The following IQANK1 variants were observed in gnomAD, a reference collection of about 807,000 sequenced individuals.
IQANK1 encodes the protein IQ motif and ankyrin repeat domain-containing protein 1.
IQANK1 carries 30 observed loss-of-function variants against 22.6 expected under a neutral mutation model. The ratio of observed to expected loss-of-function variants is 1.33; its 90% CI spans 0.99 to 1.80. The LOEUF (loss-of-function observed/expected upper bound fraction) is 1.80. IQANK1 is among the 40% of genes most tolerant of loss of function. The probability of loss-of-function intolerance (pLI) is 0.00; values close to 1 mark genes in which losing one functional copy is unlikely to be tolerated. For synonymous variants in IQANK1, 122 were observed against 99.6 expected (o/e 1.23, Z -1.34); for missense variants, 275 against 235.2 (o/e 1.17, Z -1.11).
Position 143,739,950 on chromosome 8 carries a change from T to A in IQANK1, c.175+2T>A. The A allele has an allele frequency of 1.4e-6, 1 of 692,490 alleles. No individual in the cohort carries two copies. Among genetic ancestry groups the A allele is most frequent in the Non-Finnish European group, 2.6e-6 (1 of 379,506 alleles). The allele number at this position is 692,490 out of a possible 1,614,324, so 42.9% of individuals were successfully genotyped here. A position where few individuals can be genotyped will look rare whatever the true frequency, so the allele number is the denominator to read the frequency against. On this transcript the variant is annotated splice_donor_variant, in intron 3 of 13. Coordinates refer to ENST00000527139, the MANE Select transcript of IQANK1 (RefSeq NM_001381874.1). LOFTEE classifies it high-confidence loss of function. ...CTGAGAGCCCACAGGCCCCCACAGGTGAGAGCCCGCACGTCCCGCGCCGCT... is the reference window on the plus strand; with the variant it reads ...CTGAGAGCCCACAGGCCCCCACAGGAGAGAGCCCGCACGTCCCGCGCCGCT...
In IQANK1 at chr8:143,774,345, G is replaced by A. The variant is rs920411707; in HGVS notation, c.789+1863G>A. On this transcript the variant is annotated intron_variant, in intron 7 of 13. Coordinates refer to ENST00000527139, the MANE Select transcript of IQANK1 (RefSeq NM_001381874.1). This position sits in a 1 kb window ranked among gnomAD's most constrained non-coding sequence, Gnocchi z 4.2. ...CTAGAACATAGAAAAAACTCACATC[G>A]CAAACAACAATGAAACATACAATCT... Among the ~76,000 whole-genome samples, 36 of 152,224 alleles carry A rather than the reference G, an allele frequency of 2.4e-4. No individual in the cohort carries two copies. The highest frequency in any genetic ancestry group is 6.0e-4 in the African/African-American group (25 of 41,538).
At chr8:143,736,346 C>T (rs1818738767) in intron 2 of IQANK1, among the ~76,000 whole-genome samples, 1 of 152,024 alleles carries the variant, frequency 6.6e-6, no homozygotes, top group African/African-American at 2.4e-5. Context: ...GGTTTCGCCA[C>T]ATTGACCAGG....
chr8:143,742,166 C>T, intron 3 of IQANK1: 1 of 353,668 alleles, frequency 2.8e-6, no homozygotes, highest in South Asian at 2.1e-5. Flanking sequence ...TCCCAGCTGT[C>T]CGCATCACCA....
At chr8:143,751,679 A>ATATATATATATATATATATAT (rs1563771608) in intron 3 of IQANK1, among the ~76,000 whole-genome samples, 1 of 31,030 alleles carries the variant, frequency 3.2e-5, no homozygotes, top group Non-Finnish European at 1.2e-4. Context: ...TATATATATA[A>ATATATATATATATATATATAT]AATCCTATAC....
chr8:143,783,721 G>A (rs771280326), intron 7 of IQANK1, among the ~76,000 whole-genome samples: 9 of 152,176 alleles, frequency 5.9e-5, no homozygotes, highest in Non-Finnish European at 1.0e-4. Context: ...TCATCCACTA[G>A]AATAGACTTC....
At chr8:143,778,965 GC>G (rs1243630739) in intron 7 of IQANK1, among the ~76,000 whole-genome samples, 1 of 152,140 alleles carries the variant, frequency 6.6e-6, no homozygotes, top group Non-Finnish European at 1.5e-5. Flanking sequence ...ATGGGGTTTT[GC>G]CATGTTGGCC....
At chr8:143,739,132 T>C (rs1554626095) in intron 2 of IQANK1, among the ~76,000 whole-genome samples, 1 of 152,108 alleles carries the variant, frequency 6.6e-6, no homozygotes, top group East Asian at 1.9e-4. Context: ...TGCACTGCAC[T>C]GCAACAAGGG....
chr8:143,741,528 G>T (rs1818913877), intron 3 of IQANK1, among the ~76,000 whole-genome samples: 1 of 152,132 alleles, frequency 6.6e-6, no homozygotes, highest in South Asian at 2.1e-4. Flanking sequence ...GGGTTGGCAG[G>T]GGGGATTCTA....
At chr8:143,748,744 A>C (rs1378683961) in intron 3 of IQANK1, among the ~76,000 whole-genome samples, 1 of 111,980 alleles carries the variant, frequency 8.9e-6, no homozygotes, top group Admixed American at 1.1e-4. Flanking sequence ...AAATATATAA[A>C]TATATATCAT....
chr8:143,743,050 CTG>C (rs1554626826), intron 3 of IQANK1: 1 of 456,078 alleles, frequency 2.2e-6, no homozygotes, highest in Non-Finnish European at 4.4e-6. Context: ...GGCCCTGTGC[CTG>C]TGTCCCGTTG....
intron 3 of IQANK1, among the ~76,000 whole-genome samples, chr8:143,748,931 A>T (rs1819116547): frequency 8.7e-6 from 1 of 115,322 alleles, no homozygotes. Context: ...ATAAATATAT[A>T]AAAATATATA....
At chr8:143,738,886 G>A (rs1292787029) in intron 2 of IQANK1, among the ~76,000 whole-genome samples, 3 of 152,176 alleles carry the variant, frequency 2.0e-5, no homozygotes, top group South Asian at 2.1e-4. Context: ...GGGCTCCAGG[G>A]CAGCTAGCAC....
intron 3 of IQANK1, among the ~76,000 whole-genome samples, chr8:143,747,037 G>A (rs1228681778): frequency 1.3e-5 from 2 of 151,982 alleles, no homozygotes; most frequent in South Asian, 2.1e-4. Flanking sequence ...CCACCACCAC[G>A]CCCGGCTAAT....
intron 7 of IQANK1, among the ~76,000 whole-genome samples, chr8:143,787,178 G>T (rs1291525884): frequency 1.8e-4 from 3 of 16,578 alleles, no homozygotes; most frequent in African/African-American, 2.8e-4. Flanking sequence ...AAGCAAGCAG[G>T]GTCGGTCTAA....
intron 7 of IQANK1, among the ~76,000 whole-genome samples, chr8:143,786,890 C>T (rs1273514481): frequency 6.6e-6 from 1 of 152,140 alleles, no homozygotes; most frequent in African/African-American, 2.4e-5. Flanking sequence ...AAGGAAGGAG[C>T]CCCTGTGGCT....
intron 7 of IQANK1, among the ~76,000 whole-genome samples, chr8:143,783,691 A>G (rs1819836913): frequency 6.6e-6 from 1 of 152,210 alleles, no homozygotes; most frequent in Admixed American, 6.5e-5. Context: ...AGTCTTCTAC[A>G]TCTTTCACAT....
chr8:143,750,241 G>A (rs937762919), intron 3 of IQANK1, among the ~76,000 whole-genome samples: 1 of 151,976 alleles, frequency 6.6e-6, no homozygotes, highest in African/African-American at 2.4e-5. Context: ...CAGGTGATCC[G>A]CCCGCCTCAG....
rs1365231966 is a variant in IQANK1, at chr8:143,771,389, TCGGGGC to T, written c.176-98_176-93del. 7.4e-5 allele frequency: 20 copies of T among 269,288 alleles called. No individual in the cohort carries two copies. The highest frequency in any genetic ancestry group is 7.0e-4 in the African/African-American group (7 of 10,016). 16.7% of individuals were successfully genotyped at this position (269,288 alleles called of 1,614,324 possible). On this transcript the variant is annotated intron_variant, in intron 3 of 13. Transcript: ENST00000527139. This position sits in a 1 kb window ranked among gnomAD's most constrained non-coding sequence, Gnocchi z 6.0. ...TTTGAGAGCCGTTTGGGTCCTTCTG[TCGGGGC>T]GGGGGCGGGGGCGGGGCCGGCTCCA...
rs937995367 is a variant in IQANK1 at position 143,771,883 on chromosome 8, G to A, written c.389G>A (p.Arg130Gln). Residue 130 changes from arginine to glutamine, a missense_variant, in exon 5 of 14, where the codon CGG becomes CAG. By Grantham distance (43) the Arg-to-Gln change is conservative (BLOSUM62 1). Transcript: ENST00000527139. The surrounding 1 kb of genome is among the most constrained non-coding windows in gnomAD (Gnocchi z 6.0). ...GAGGAGGCGGCGCAGCGGGAGCGGC[G>A]GGAGGAGCTGCAGCGTCGCCGCCGC... ...EQEEAAQRERREELQRRRRLL... is the reference protein window; with the variant it reads ...EQEEAAQRERQEELQRRRRLL... The A allele has an allele frequency of 7.6e-6, 3 of 394,480 alleles. No homozygotes were observed. Among genetic ancestry groups the A allele is most frequent in the Admixed American group, 4.4e-5 (1 of 22,534 alleles). 24.4% of individuals were successfully genotyped at this position (394,480 alleles called of 1,614,324 possible).
Sources: gnomAD v4.1 joint callset for allele counts (sites outside exome capture counted in the v4.1 genomes callset) on GRCh38, gnomAD v4.1.1 for gene constraint, Gnocchi (gnomAD v3.1) non-coding constraint, MANE v1.5 for transcripts, NCBI Gene and HGNC (gene_info 2026-07-23, HGNC 2026-07-21) for gene names.